The following UST variants were observed in gnomAD, a reference collection of about 807,000 sequenced individuals.
UST encodes the protein chondroitin sulfate 2-O-sulfotransferase.
In UST, 21 loss-of-function variants were observed where a neutral mutation model predicts 45.6. The observed-to-expected ratio is 0.46, with a 90% CI of 0.33 to 0.66. UST has a LOEUF of 0.66. UST is among the 30% of genes least tolerant of loss of function. The pLI is 0.02. For missense variants in UST, 463 were observed against 512.4 expected, an observed-to-expected ratio of 0.90 and a Z score of 0.93; for synonymous variants, 215 against 200.6, an observed-to-expected ratio of 1.07 and a Z score of -0.61.
intron 1 of UST, among the ~76,000 whole-genome samples, chr6:148,753,912 A>G (rs887348393): frequency 6.6e-6 from 1 of 151,764 alleles, no homozygotes; most frequent in African/African-American, 2.4e-5. Context: ...TGTGTTTTGC[A>G]TTAATGATGT....
At chr6:148,867,247 C>T (rs1319806346) in intron 1 of UST, among the ~76,000 whole-genome samples, 2 of 151,344 alleles carry the variant, frequency 1.3e-5, no homozygotes, top group Admixed American at 6.6e-5. Context: ...AAACAGCTTT[C>T]CCTTCCCATT....
At chr6:148,962,475 A>G (rs991115252) in intron 4 of UST, among the ~76,000 whole-genome samples, 1 of 152,382 alleles carries the variant, frequency 6.6e-6, no homozygotes, top group Middle Eastern at 3.4e-3. Flanking sequence ...TTGGTATGCA[A>G]GCCTTGTCTT....
In UST at chr6:148,780,654, A is replaced by T. The variant is rs561943811; in HGVS notation, c.247+32977A>T. 4.6e-5 allele frequency among the ~76,000 whole-genome samples: 7 copies of T among 152,306 alleles called. No individual in the cohort carries two copies. In the East Asian group the frequency reaches 1.3e-3, roughly 29 times the overall value. ...ACAGCTGCATAGTATTCCATGGTATATATGTACCACATTTTCTTTATCCAG... is the reference window on the plus strand; with the variant it reads ...ACAGCTGCATAGTATTCCATGGTATTTATGTACCACATTTTCTTTATCCAG... On this transcript the variant is annotated intron_variant, in intron 1 of 7. Transcript: ENST00000367463.
At chr6:148,947,358 C>T (rs909281352) in intron 3 of UST, among the ~76,000 whole-genome samples, 8 of 152,182 alleles carry the variant, frequency 5.3e-5, no homozygotes, top group African/African-American at 1.9e-4. Flanking sequence ...CCAAAATCTG[C>T]TGGGGAGCGT....
At chr6:148,931,046 T>C (rs1779912688) in intron 2 of UST, among the ~76,000 whole-genome samples, 2 of 152,360 alleles carry the variant, frequency 1.3e-5, no homozygotes, top group South Asian at 4.1e-4. Context: ...CCAGCCTTTA[T>C]ACTATTTTCA....
At chr6:148,797,247 AGCCTGG>A (rs1776970142) in intron 1 of UST, among the ~76,000 whole-genome samples, 1 of 152,178 alleles carries the variant, frequency 6.6e-6, no homozygotes, top group Non-Finnish European at 1.5e-5. Context: ...ACTGCACCCT[AGCCTGG>A]GCAGCAGAAT....
intron 3 of UST, among the ~76,000 whole-genome samples, chr6:148,949,366 C>G (rs1470296242): frequency 6.8e-6 from 1 of 147,434 alleles, no homozygotes; most frequent in Admixed American, 6.8e-5. Context: ...CCACTGCACT[C>G]CAGCCTGGGC....
intron 1 of UST, among the ~76,000 whole-genome samples, chr6:148,756,953 T>G (rs1259687795): frequency 7.9e-5 from 12 of 152,264 alleles, no homozygotes; most frequent in Admixed American, 7.8e-4. Context: ...ATTTCTTTCT[T>G]GCTCTTTGAA....
intron 1 of UST, among the ~76,000 whole-genome samples, chr6:148,768,893 A>G (rs1313241389): frequency 6.6e-6 from 1 of 152,206 alleles, no homozygotes. Context: ...TCTCTCAGCT[A>G]TGATTCTCAG....
intron 1 of UST, among the ~76,000 whole-genome samples, chr6:148,785,496 A>G (rs1776717970): frequency 6.6e-6 from 1 of 152,256 alleles, no homozygotes; most frequent in Non-Finnish European, 1.5e-5. Context: ...CTAAAGTGCT[A>G]TATTAATTTG....
chr6:148,793,577 C>T (rs192049631), intron 1 of UST, among the ~76,000 whole-genome samples: 100 of 152,270 alleles, frequency 6.6e-4, no homozygotes, highest in Middle Eastern at 6.8e-3. Context: ...GACAGTGCAG[C>T]GGGTTTGTTT....
chr6:148,776,645 G>T (rs1276394328), intron 1 of UST, among the ~76,000 whole-genome samples: 1 of 152,148 alleles, frequency 6.6e-6, no homozygotes, highest in African/African-American at 2.4e-5. Context: ...TCCAGATAAT[G>T]GTGTTTTCTA....
At chr6:148,929,590 A>C (rs1260509225) in intron 2 of UST, among the ~76,000 whole-genome samples, 1 of 152,184 alleles carries the variant, frequency 6.6e-6, no homozygotes, top group African/African-American at 2.4e-5. Flanking sequence ...TGAGGCCTAA[A>C]ACCTCCATAC....
rs57552256 is a variant in UST, at chr6:148,993,956, CTTT to C, written c.682-25157_682-25155del. Among the ~76,000 whole-genome samples the C allele has an allele frequency of 6.3e-5, 6 of 95,358 alleles. No individual in the cohort carries two copies. In the East Asian group the frequency reaches 1.3e-3, roughly 20 times the overall value. 62.6% of individuals were successfully genotyped at this position (95,358 alleles called of 152,430 possible). On this transcript the variant is annotated intron_variant, in intron 5 of 7. Transcript: ENST00000367463. Reference sequence around the variant, plus strand: ...TTACCCAGTCTTGAATATTTCTTTCCTTTTTTTTTTTTTTTTTTTTTTTTTTTT... The same window carrying C: ...TTACCCAGTCTTGAATATTTCTTTCCTTTTTTTTTTTTTTTTTTTTTTTTT...
At chr6:148,939,780 A>T (rs1780088819) in intron 2 of UST, among the ~76,000 whole-genome samples, 1 of 152,188 alleles carries the variant, frequency 6.6e-6, no homozygotes. Context: ...GGAAACATAA[A>T]TGTATATCTT....
intron 3 of UST, among the ~76,000 whole-genome samples, chr6:148,944,508 TAC>T (rs10663979): frequency 0.035 from 5,056 of 142,572 alleles, 107 homozygotes; most frequent in South Asian, 0.062. Flanking sequence ...GTTGTGATCA[TAC>T]ACACACACAC....
chr6:149,034,990 C>T (rs558042192), intron 7 of UST, among the ~76,000 whole-genome samples: 1 of 151,872 alleles, frequency 6.6e-6, no homozygotes, highest in Non-Finnish European at 1.5e-5. Context: ...CTTAAAACTC[C>T]TGTCTTCTAT....
chr6:148,759,847 C>CAAAA (rs71554421), intron 1 of UST, among the ~76,000 whole-genome samples: 595 of 59,180 alleles, frequency 0.01, 23 homozygotes, highest in African/African-American at 0.04. Context: ...GACTCTGTCT[C>CAAAA]AAAAAAAAAA....
intron 5 of UST, among the ~76,000 whole-genome samples, chr6:148,977,700 C>G (rs1781045096): frequency 6.8e-6 from 1 of 146,006 alleles, no homozygotes; most frequent in Non-Finnish European, 1.5e-5. Flanking sequence ...TGCAGTGAGC[C>G]AAGATCGCGC....
Sources: allele counts gnomAD v4.1 joint callset (sites outside exome capture counted in the v4.1 genomes callset), GRCh38; gene constraint gnomAD v4.1.1; transcripts MANE v1.5; gene names NCBI Gene and HGNC (gene_info 2026-07-23, HGNC 2026-07-21).